SS18L1: variants seen among roughly 807,000 people sequenced by gnomAD.
SS18L1 encodes calcium-responsive transactivator.
Under a neutral mutation model 70.3 loss-of-function variants are expected in SS18L1, and 32 were observed. The observed-to-expected ratio is 0.46, with a 90% CI of 0.34 to 0.61. The LOEUF is 0.61. Among genes scored for constraint, SS18L1 ranks in the 20% least tolerant of loss-of-function variants. The probability of loss-of-function intolerance (pLI) is 0.01; values close to 1 mark genes in which losing one functional copy is unlikely to be tolerated. For synonymous variants in SS18L1, 237 were observed against 229.7 expected (o/e 1.03, Z -0.29); for missense variants, 430 against 542.1 (o/e 0.79, Z 2.05).
intron 3 of SS18L1, among the ~76,000 whole-genome samples, chr20:62,160,934 C>G (rs1307829952): frequency 6.6e-6 from 1 of 151,938 alleles, no homozygotes; most frequent in African/African-American, 2.4e-5. Context: ...CACACTCACT[C>G]CCTTCTGTGC....
In SS18L1 at chr20:62,164,307, GGGC is replaced by G. The variant is rs201927358; in HGVS notation, c.823+62_823+64del. On this transcript the variant is annotated intron_variant, in intron 7 of 10. Coordinates refer to ENST00000331758, the MANE Select transcript of SS18L1 (RefSeq NM_198935.3). ...CGCAGAGCAGCTGCAGGGGCAAGGA[GGGC>G]AAGGAGGGCAAGGAGGGTGTGGCCA... The G allele has an allele frequency of 9.3e-4, 1,244 of 1,342,552 alleles. 17 individuals carry two copies. In the East Asian group the frequency reaches 0.029, roughly 31 times the overall value. The allele number at this position is 1,342,552 out of a possible 1,614,324, so 83.2% of individuals were successfully genotyped here.
At chr20:62,160,990 G>A (rs74804546) in intron 3 of SS18L1, among the ~76,000 whole-genome samples, 4,035 of 151,916 alleles carry the variant, frequency 0.027, 182 homozygotes, top group African/African-American at 0.091. Flanking sequence ...CGGGGAAGGG[G>A]CACATGCAGC....
At chr20:62,164,521 A>C (rs1165411968) in intron 7 of SS18L1, among the ~76,000 whole-genome samples, 1 of 152,228 alleles carries the variant, frequency 6.6e-6, no homozygotes, top group Non-Finnish European at 1.5e-5. Context: ...ACTTCCTGAA[A>C]GGCTGTGGGA....
At chr20:62,166,019 C>T (rs2057423587) in intron 8 of SS18L1, among the ~76,000 whole-genome samples, 2 of 152,212 alleles carry the variant, frequency 1.3e-5, no homozygotes, top group African/African-American at 4.8e-5. Context: ...TCATGGCGGT[C>T]CTGGGCAGTG....
chr20:62,160,018 A>G, intron 3 of SS18L1, 57 bp downstream of exon 3: 1 of 1,525,478 alleles, frequency 6.6e-7, no homozygotes, highest in African/African-American at 1.4e-5. Flanking sequence ...GACACTGCCT[A>G]AGATCGGAAT....
rs2057691608 is a variant in SS18L1 at position 62,180,607 on chromosome 20, A to C, written c.*1399A>C. 1 of 173,270 alleles carries C rather than the reference A, an allele frequency of 5.8e-6. No individual in the cohort carries two copies. The highest frequency in any genetic ancestry group is 1.2e-5 in the Non-Finnish European group (1 of 80,004). The allele number at this position is 173,270 out of a possible 1,614,324, so 10.7% of individuals were successfully genotyped here. Reference sequence around the variant, plus strand: ...AATTGATGTTTTGTTTTAAAAGTTAAAAGTAATTCTTGGCGTGGTGGTTCA... The same window carrying C: ...AATTGATGTTTTGTTTTAAAAGTTACAAGTAATTCTTGGCGTGGTGGTTCA... On this transcript the variant is annotated 3_prime_UTR_variant, in exon 11 of 11. Transcript: ENST00000331758.
intron 5 of SS18L1, 60 bp downstream of exon 5, chr20:62,162,991 C>A: frequency 1.3e-6 from 2 of 1,574,638 alleles, no homozygotes; most frequent in Non-Finnish European, 1.7e-6. Context: ...ACCCTTGACA[C>A]ATGCACGTTG....
At chr20:62,163,201 G>A (rs1325461587) in intron 5 of SS18L1, among the ~76,000 whole-genome samples, 2 of 152,172 alleles carry the variant, frequency 1.3e-5, no homozygotes, top group East Asian at 3.9e-4. Flanking sequence ...GGGAGTGGGG[G>A]CCACTGGCCC....
At chr20:62,175,207 G>A (rs1167946149) in intron 10 of SS18L1, 1 of 979,702 alleles carries the variant, frequency 1.0e-6, no homozygotes, top group African/African-American at 1.8e-5. Context: ...CCCAGGAACA[G>A]TGAGCAGGGC....
chr20:62,179,499 C>T lies in SS18L1; in HGVS notation c.*291C>T, dbSNP rs2057676286. On this transcript the variant is annotated 3_prime_UTR_variant, in exon 11 of 11. Transcript: ENST00000331758. ...CCCCCTTCTCAATGTTTCTAGCTAG[C>T]TTTGGGGGTCATTTTGTCATCAGAG... 2.0e-6 allele frequency: 1 copy of T among 497,140 alleles called. No individual in the cohort carries two copies. Among genetic ancestry groups the T allele is most frequent in the African/African-American group, 1.9e-5 (1 of 52,098 alleles). 30.8% of individuals were successfully genotyped at this position (497,140 alleles called of 1,614,324 possible).
chr20:62,158,213 G>GGCTGGGGGCT lies in SS18L1; in HGVS notation c.70-449_70-440dup, dbSNP rs1225556802. 3.3e-5 allele frequency among the ~76,000 whole-genome samples: 5 copies of GGCTGGGGGCT among 152,072 alleles called. No individual in the cohort carries two copies. The highest frequency in any genetic ancestry group is 1.2e-4 in the African/African-American group (5 of 41,400). ...GCCCTGGAAGCTGGAGGGTCCTTCG[G>GGCTGGGGGCT]GCTGGGGGCTGCTGGGGGCACGGGG... On this transcript the variant is annotated intron_variant, in intron 1 of 10. Coordinates refer to ENST00000331758, the MANE Select transcript of SS18L1 (RefSeq NM_198935.3). The surrounding 1 kb of genome is among the most constrained non-coding windows in gnomAD (Gnocchi z 4.5).
chr20:62,172,284 A>T (rs987984869), intron 8 of SS18L1, among the ~76,000 whole-genome samples: 2 of 150,700 alleles, frequency 1.3e-5, no homozygotes, highest in African/African-American at 4.9e-5. Context: ...CCCTCATTGC[A>T]CCACTGCACT....
rs147215574 is a variant in SS18L1, at chr20:62,175,179, AG to A, written c.1164+540del. The A allele has an allele frequency of 8.6e-4, 816 of 945,478 alleles. 4 individuals are homozygous for A. The African/African-American group carries it at 0.012, about 14-fold the overall frequency. 58.6% of individuals were successfully genotyped at this position (945,478 alleles called of 1,614,324 possible). ...TGGCAGCCCCAGGCTCAGCCTAGGG[AG>A]GGGGAAGCCCTTTCTGCCCAGGAAC... On this transcript the variant is annotated intron_variant, in intron 10 of 10. Transcript: ENST00000331758.
intron 1 of SS18L1, among the ~76,000 whole-genome samples, chr20:62,147,543 G>A (rs1339978776): frequency 2.6e-5 from 4 of 152,196 alleles, no homozygotes; most frequent in Non-Finnish European, 5.9e-5. Context: ...CTCAATAAAT[G>A]TGTTACTGTT....
intron 3 of SS18L1, among the ~76,000 whole-genome samples, chr20:62,160,696 G>C (rs1468343743): frequency 6.6e-6 from 1 of 152,194 alleles, no homozygotes; most frequent in Middle Eastern, 3.2e-3. Context: ...GTATCTCCTA[G>C]TGACCCTTAG....
chr20:62,174,472 A>G lies in SS18L1; in HGVS notation c.1037-45A>G, dbSNP rs766235525. ...TTTAAGTTAAGAAAAAAAAAGAAAGAGGTGTCCGTTTTGGCCGGCCTCACG... is the reference window on the plus strand; with the variant it reads ...TTTAAGTTAAGAAAAAAAAAGAAAGGGGTGTCCGTTTTGGCCGGCCTCACG... On this transcript the variant is annotated intron_variant, in intron 9 of 10. Transcript: ENST00000331758. The surrounding 1 kb of genome is among the most constrained non-coding windows in gnomAD (Gnocchi z 4.1). The G allele has an allele frequency of 1.3e-6, 2 of 1,556,636 alleles. No homozygotes were observed. Among genetic ancestry groups the G allele is most frequent in the Middle Eastern group, 1.8e-4 (1 of 5,468 alleles).
intron 1 of SS18L1, among the ~76,000 whole-genome samples, chr20:62,148,773 C>T (rs2057077410): frequency 6.6e-6 from 1 of 152,274 alleles, no homozygotes; most frequent in African/African-American, 2.4e-5. Flanking sequence ...CCTGGCCATA[C>T]ACCCTCTTGC....
In SS18L1 at chr20:62,147,685, A is replaced by G. The variant is rs534017232; in HGVS notation, c.69+3796A>G. Among the ~76,000 whole-genome samples, 28 of 151,990 alleles carry G rather than the reference A, an allele frequency of 1.8e-4. No individual in the cohort carries two copies. The East Asian group carries it at 3.5e-3, about 19-fold the overall frequency. ...TGGGGAAAGGCTCTGAGGGAATGGG[A>G]TGGAGCTGAGAGGAGGTGGGCCCCT... is the stretch of plus-strand genomic sequence containing the variant. On this transcript the variant is annotated intron_variant, in intron 1 of 10. Transcript: ENST00000331758.
intron 1 of SS18L1, among the ~76,000 whole-genome samples, chr20:62,151,343 G>T (rs551373350): frequency 3.3e-5 from 5 of 152,260 alleles, no homozygotes; most frequent in South Asian, 2.1e-4. Context: ...CGTGTCCCCC[G>T]TCAGTCCCCG....
Sources: gnomAD v4.1 joint callset for allele counts (sites outside exome capture counted in the v4.1 genomes callset) on GRCh38, gnomAD v4.1.1 for gene constraint, Gnocchi (gnomAD v3.1) non-coding constraint, MANE v1.5 for transcripts, NCBI Gene and HGNC (gene_info 2026-07-23, HGNC 2026-07-21) for gene names.